PHKA1: variants seen among roughly 807,000 people sequenced by gnomAD.
PHKA1 encodes phosphorylase b kinase regulatory subunit alpha, skeletal muscle isoform.
In PHKA1, 60 loss-of-function variants were observed where a neutral mutation model predicts 110.2. The observed-to-expected ratio is 0.54, with a 90% CI of 0.44 to 0.68. The LOEUF is 0.68. PHKA1 is among the 30% of genes least tolerant of loss of function. PHKA1 has a pLI of 0.00. For synonymous variants in PHKA1, 316 were observed against 333.6 expected (o/e 0.95, Z 0.58); for missense variants, 801 against 942.5 (o/e 0.85, Z 1.97).
At chrX:72,659,123 T>A (rs1556302920) in intron 8 of PHKA1, among the ~76,000 whole-genome samples, 2 of 112,049 alleles carry the variant, frequency 1.8e-5, no homozygotes, top group East Asian at 5.6e-4. Flanking sequence ...TATTTATTCA[T>A]TTTTCAGTTA....
chrX:72,621,021 G>T (rs2052971804), intron 18 of PHKA1, 120 bp from the exon 19 acceptor site: 1 of 800,826 alleles, frequency 1.2e-6, no homozygotes, highest in Non-Finnish European at 1.8e-6. Flanking sequence ...ACCAGAAGTA[G>T]GTTGTTTTTA....
chrX:72,706,364 A>G (rs1556332382), intron 2 of PHKA1, among the ~76,000 whole-genome samples: 1 of 111,869 alleles, frequency 8.9e-6, no homozygotes, highest in African/African-American at 3.2e-5. Flanking sequence ...CATTTATTAT[A>G]AAGCAAGGAA....
intron 5 of PHKA1, among the ~76,000 whole-genome samples, chrX:72,683,073 A>C (rs1481649080): frequency 8.9e-6 from 1 of 111,748 alleles, no homozygotes; most frequent in East Asian, 2.8e-4. Flanking sequence ...AATATACTTA[A>C]AAGATAACTG....
At chrX:72,684,808 C>T (rs782726999) in intron 4 of PHKA1, among the ~76,000 whole-genome samples, 4 of 111,324 alleles carry the variant, frequency 3.6e-5, no homozygotes, top group African/African-American at 1.3e-4. Flanking sequence ...AGAATTTTAA[C>T]TGTTATTTAC....
intron 6 of PHKA1, among the ~76,000 whole-genome samples, chrX:72,672,659 G>A (rs782033929): frequency 1.8e-5 from 2 of 112,117 alleles, no homozygotes; most frequent in South Asian, 7.6e-4. Context: ...TGGTAATTAA[G>A]TTTCAATACG....
chrX:72,622,061 G>C lies in PHKA1; in HGVS notation c.1960+1048C>G, dbSNP rs782216707. The C allele has an allele frequency of 4.5e-5, 33 of 739,782 alleles. No homozygotes were observed. The South Asian group carries it at 1.6e-3, about 36-fold the overall frequency. The allele number at this position is 739,782 out of a possible 1,213,427, so 61.0% of individuals were successfully genotyped here. A position where few individuals can be genotyped will look rare whatever the true frequency, so the allele number is the denominator to read the frequency against. On this transcript the variant is annotated intron_variant, in intron 18 of 31. Transcript: ENST00000373542. ...TAATTTTCAAAGTATTTTATGCCAA[G>C]ACATCATGACTTTTGTTATTACTGA...
In PHKA1 at chrX:72,589,317, C is replaced by T. The variant is rs1333891937; in HGVS notation, c.3243+3787G>A. Among the ~76,000 whole-genome samples, 7 of 111,601 alleles carry T rather than the reference C, an allele frequency of 6.3e-5. No individual in the cohort carries two copies. In the East Asian group the frequency reaches 8.3e-4, roughly 13 times the overall value. Reference sequence around the variant, plus strand: ...TAATCCATCACATAAACAGAACCATCGACAAAAACCACATGATTAACTCAA... The same window carrying T: ...TAATCCATCACATAAACAGAACCATTGACAAAAACCACATGATTAACTCAA... On this transcript the variant is annotated intron_variant, in intron 29 of 31. Transcript: ENST00000373542.
At chrX:72,682,326 C>T (rs1426844183) in intron 5 of PHKA1, among the ~76,000 whole-genome samples, 5 of 101,060 alleles carry the variant, frequency 4.9e-5, no homozygotes, top group South Asian at 4.8e-4. Flanking sequence ...CCGCCCCGTC[C>T]GGGAGGGAGG....
At position 72,605,335 on chromosome X, in the gene PHKA1, T is replaced by A. The variant is rs782715151; in HGVS notation, c.2751A>T (p.Arg917=). The change falls in exon 25 of 32, where the codon CGA becomes CGT. Residue 917 remains arginine, a synonymous_variant. Coordinates refer to ENST00000373542, the MANE Select transcript of PHKA1 (RefSeq NM_002637.4). ...TQPGLFAEMF[R]LRIGLIIQVM... ...CTTGTATGATCAGACCAATTCGAAGTCGAAACATTTCAGCAAAGAGGCCAG... is the reference window on the plus strand; with the variant it reads ...CTTGTATGATCAGACCAATTCGAAGACGAAACATTTCAGCAAAGAGGCCAG... The A allele has an allele frequency of 4.2e-6, 5 of 1,204,417 alleles. No homozygotes were observed. The Admixed American group carries it at 1.1e-4, about 26-fold the overall frequency.
intron 2 of PHKA1, among the ~76,000 whole-genome samples, chrX:72,708,881 T>C (rs1038095263): frequency 6.2e-5 from 7 of 112,064 alleles, no homozygotes; most frequent in Non-Finnish European, 1.1e-4. Flanking sequence ...CCAAACTTAG[T>C]TGGCCTAGTA....
At chrX:72,682,547 G>T (rs1323243194) in intron 5 of PHKA1, among the ~76,000 whole-genome samples, 1 of 108,033 alleles carries the variant, frequency 9.3e-6, no homozygotes, top group Non-Finnish European at 1.9e-5. Context: ...GAGAGAAGTA[G>T]ACATGGGAGA....
chrX:72,604,182 T>A (rs782084542), intron 25 of PHKA1, among the ~76,000 whole-genome samples: 1 of 110,916 alleles, frequency 9.0e-6, no homozygotes, highest in East Asian at 2.9e-4. Context: ...TACTATATAA[T>A]GTTTATCTAT....
intron 3 of PHKA1, among the ~76,000 whole-genome samples, chrX:72,702,374 C>T (rs926045382): frequency 2.7e-5 from 3 of 110,223 alleles, no homozygotes; most frequent in South Asian, 4.0e-4. Context: ...CACTTGAACC[C>T]GGGAGGCGGA....
chrX:72,688,348 G>A (rs782409522), intron 4 of PHKA1, among the ~76,000 whole-genome samples: 243 of 111,851 alleles, frequency 2.2e-3, no homozygotes, highest in Admixed American at 4.8e-3. Flanking sequence ...GAAAGACGCC[G>A]GTAAAGAGAA....
intron 21 of PHKA1, among the ~76,000 whole-genome samples, chrX:72,614,613 G>C (rs1277614923): frequency 8.9e-6 from 1 of 111,795 alleles, no homozygotes; most frequent in African/African-American, 3.2e-5. Flanking sequence ...TAGGCATGTA[G>C]AGGCTGTGCT....
intron 4 of PHKA1, among the ~76,000 whole-genome samples, chrX:72,692,146 T>TG (rs782599244): frequency 8.9e-6 from 1 of 112,369 alleles, no homozygotes; most frequent in South Asian, 3.7e-4. Flanking sequence ...ACTGACATGA[T>TG]GTATTGCATT....
At chrX:72,700,205 A>G (rs782761212) in intron 3 of PHKA1, among the ~76,000 whole-genome samples, 4 of 112,508 alleles carry the variant, frequency 3.6e-5, no homozygotes, top group African/African-American at 1.3e-4. Flanking sequence ...TCTTCTCTCA[A>G]AGAATTAAGG....
chrX:72,710,604 A>C (rs965564392), intron 2 of PHKA1, among the ~76,000 whole-genome samples: 2 of 112,043 alleles, frequency 1.8e-5, no homozygotes, highest in South Asian at 7.4e-4. Flanking sequence ...ATTAATAAGG[A>C]AAGTTCATAT....
At chrX:72,613,301 T>G (rs1353812734) in intron 21 of PHKA1, among the ~76,000 whole-genome samples, 2 of 110,302 alleles carry the variant, frequency 1.8e-5, no homozygotes, top group East Asian at 5.7e-4. Flanking sequence ...CTATGCTACC[T>G]TTTGGATAAA....
Sources: allele counts gnomAD v4.1 joint callset (sites outside exome capture counted in the v4.1 genomes callset), GRCh38; gene constraint gnomAD v4.1.1; transcripts MANE v1.5; gene names NCBI Gene and HGNC (gene_info 2026-07-23, HGNC 2026-07-21).